The following DPP6 variants were observed in gnomAD, a reference collection of about 807,000 sequenced individuals.
DPP6 encodes the protein A-type potassium channel modulatory protein DPP6.
In DPP6, 69 loss-of-function variants were observed where a neutral mutation model predicts 122.6. That is an observed-to-expected ratio of 0.56 (90% CI 0.46 to 0.69). The LOEUF (loss-of-function observed/expected upper bound fraction) is 0.69, where lower values mean the gene tolerates loss of function less well. DPP6 is among the 30% of genes least tolerant of loss of function. DPP6 has a pLI of 0.00. For missense variants in DPP6, 928 were observed against 1,116.9 expected (o/e 0.83, Z 2.41); for synonymous variants, 418 against 433.1 (o/e 0.97, Z 0.43).
At chr7:154,177,182 G>T (rs897317707) in intron 1 of DPP6, among the ~76,000 whole-genome samples, 1 of 152,032 alleles carries the variant, frequency 6.6e-6, no homozygotes, top group Non-Finnish European at 1.5e-5. Flanking sequence ...TGCATCTCCC[G>T]CACAGATATA....
intron 16 of DPP6, among the ~76,000 whole-genome samples, chr7:154,819,820 T>C (rs1799648248): frequency 6.6e-6 from 1 of 152,196 alleles, no homozygotes; most frequent in Non-Finnish European, 1.5e-5. Context: ...CACAAGGGAA[T>C]GTAACATAAT....
chr7:154,110,278 C>T (rs1213612759), intron 1 of DPP6, among the ~76,000 whole-genome samples: 4 of 151,926 alleles, frequency 2.6e-5, no homozygotes, highest in African/African-American at 9.7e-5. Flanking sequence ...TGTGTTTGTG[C>T]TATTAGTGCC....
At chr7:154,846,963 C>A (rs145790311) in intron 16 of DPP6, among the ~76,000 whole-genome samples, 1 of 152,012 alleles carries the variant, frequency 6.6e-6, no homozygotes, top group Admixed American at 6.5e-5. Flanking sequence ...TGAGTAACTG[C>A]GTTTTATTCA....
At chr7:154,799,537 CT>C (rs1449674251) in intron 12 of DPP6, among the ~76,000 whole-genome samples, 6 of 152,112 alleles carry the variant, frequency 3.9e-5, no homozygotes, top group Non-Finnish European at 8.8e-5. Flanking sequence ...TTCTGACTGT[CT>C]TTATTCTTTT....
chr7:154,397,544 C>T (rs1448078954), intron 1 of DPP6, among the ~76,000 whole-genome samples: 1 of 152,164 alleles, frequency 6.6e-6, no homozygotes, highest in Non-Finnish European at 1.5e-5. Flanking sequence ...TTGTGTGTGA[C>T]ATGATTTCAG....
intron 5 of DPP6, among the ~76,000 whole-genome samples, chr7:154,576,658 G>C (rs972303879): frequency 1.3e-5 from 2 of 152,166 alleles, no homozygotes; most frequent in African/African-American, 4.8e-5. Flanking sequence ...GAGACAGAAT[G>C]CAAGAGCGGT....
At chr7:154,530,669 C>T (rs151061553) in intron 3 of DPP6, among the ~76,000 whole-genome samples, 3 of 152,216 alleles carry the variant, frequency 2.0e-5, no homozygotes, top group Admixed American at 6.5e-5. Flanking sequence ...ATAAATATTT[C>T]TAGTATAAAG....
Position 154,668,197 on chromosome 7 carries a change from T to TTATATA in DPP6, c.681-1146_681-1141dup, listed in dbSNP as rs10668895. Among the ~76,000 whole-genome samples the TTATATA allele has an allele frequency of 4.4e-4, 16 of 36,480 alleles. 3 individuals are homozygous for TTATATA. The highest frequency in any genetic ancestry group is 1.6e-3 in the East Asian group (2 of 1,278). 23.9% of individuals were successfully genotyped at this position (36,480 alleles called of 152,430 possible). ...GTGCATTCCCAGCTATGTGTATATT[T>TTATATA]TATATATATATATATATATATAATA... On this transcript the variant is annotated intron_variant, in intron 6 of 25. Coordinates refer to ENST00000377770, the MANE Select transcript of DPP6 (RefSeq NM_130797.4).
intron 1 of DPP6, among the ~76,000 whole-genome samples, chr7:154,311,881 A>G (rs1384969792): frequency 1.3e-5 from 2 of 152,158 alleles, no homozygotes; most frequent in Non-Finnish European, 2.9e-5. Flanking sequence ...AGACAAATCC[A>G]TTCATTAAAC....
intron 1 of DPP6, among the ~76,000 whole-genome samples, chr7:153,941,473 A>G (rs1275000197): frequency 6.6e-6 from 1 of 152,198 alleles, no homozygotes; most frequent in East Asian, 1.9e-4. Flanking sequence ...CCAGTAGTCC[A>G]GGCCTGGATC....
At chr7:154,026,480 G>C (rs1207356466) in intron 1 of DPP6, 1 of 152,194 alleles carries the variant, frequency 6.6e-6, no homozygotes, top group Non-Finnish European at 1.5e-5. Context: ...GATTAGACTT[G>C]AGACCTAGAG....
At chr7:154,456,113 A>C (rs1236572057) in intron 2 of DPP6, among the ~76,000 whole-genome samples, 1 of 152,204 alleles carries the variant, frequency 6.6e-6, no homozygotes, top group Non-Finnish European at 1.5e-5. Context: ...TGATATAATA[A>C]AATCGGAGAA....
chr7:154,322,421 C>A (rs1158124513), intron 1 of DPP6, among the ~76,000 whole-genome samples: 1 of 152,166 alleles, frequency 6.6e-6, no homozygotes, highest in African/African-American at 2.4e-5. Context: ...ACTGGATGGG[C>A]AAAAGAGTCA....
At chr7:153,947,444 C>G (rs1455942030) in intron 1 of DPP6, among the ~76,000 whole-genome samples, 1 of 152,156 alleles carries the variant, frequency 6.6e-6, no homozygotes, top group Non-Finnish European at 1.5e-5. Context: ...AAATTTACCT[C>G]TATCTTCTTA....
chr7:154,776,244 C>CATAG lies in DPP6; in HGVS notation c.1136+3317_1136+3320dup, dbSNP rs533960620. On this transcript the variant is annotated intron_variant, in intron 10 of 25. Coordinates refer to ENST00000377770, the MANE Select transcript of DPP6 (RefSeq NM_130797.4). ...AGATAGATAGATAGATAAACAGATA[C>CATAG]ATAGATAGATAGATAGATGATTGAT... is the stretch of plus-strand genomic sequence containing the variant. 7.2e-4 allele frequency among the ~76,000 whole-genome samples: 25 copies of CATAG among 34,596 alleles called. No individual in the cohort carries two copies. The South Asian group carries it at 0.02, about 28-fold the overall frequency. The allele number at this position is 34,596 out of a possible 152,430, so 22.7% of individuals were successfully genotyped here.
At chr7:154,711,939 T>C (rs201233019) in intron 7 of DPP6, among the ~76,000 whole-genome samples, 1 of 63,764 alleles carries the variant, frequency 1.6e-5, no homozygotes, top group Admixed American at 1.7e-4. Flanking sequence ...TGTCACTTAA[T>C]ACACACACAC....
intron 1 of DPP6, among the ~76,000 whole-genome samples, chr7:154,124,850 C>A (rs4360211): frequency 0.44 from 66,951 of 152,034 alleles, 15,333 homozygotes; most frequent in Non-Finnish European, 0.51. Flanking sequence ...CACTCAGAGA[C>A]ATGGCCTGGA....
chr7:153,861,034 T>G, the DPP6 span, among the ~76,000 whole-genome samples: 1 of 152,218 alleles, frequency 6.6e-6, no homozygotes, highest in Non-Finnish European at 1.5e-5. Context: ...AAGAAAGTTA[T>G]GGTCTCTTCA....
chr7:154,397,413 TC>T (rs1427447012), intron 1 of DPP6, among the ~76,000 whole-genome samples: 1 of 152,180 alleles, frequency 6.6e-6, no homozygotes, highest in Non-Finnish European at 1.5e-5. Context: ...TTGATAAACC[TC>T]CTTTAGAAAC....
Sources: allele counts gnomAD v4.1 joint callset (sites outside exome capture counted in the v4.1 genomes callset), GRCh38; gene constraint gnomAD v4.1.1; transcripts MANE v1.5; gene names NCBI Gene and HGNC (gene_info 2026-07-23, HGNC 2026-07-21).